CMTM4: variants seen among roughly 807,000 people sequenced by gnomAD.
CMTM4 encodes CKLF like MARVEL transmembrane domain containing 4, also known as CKLF-like MARVEL transmembrane domain-containing protein 4.
Under a neutral mutation model 19.0 loss-of-function variants are expected in CMTM4, and 8 were observed. The observed-to-expected ratio is 0.42, with a 90% CI of 0.25 to 0.76. The LOEUF is 0.76. CMTM4 is among the 30% of genes least tolerant of loss of function. The pLI is 0.27. For missense variants in CMTM4, 228 were observed against 290.2 expected, an observed-to-expected ratio of 0.79 and a Z score of 1.56; for synonymous variants, 106 against 121.1, an observed-to-expected ratio of 0.88 and a Z score of 0.82.
chr16:66,683,509 T>C (rs368574311), intron 1 of CMTM4, among the ~76,000 whole-genome samples: 1 of 151,464 alleles, frequency 6.6e-6, no homozygotes, highest in Admixed American at 6.6e-5. Context: ...GCCAGGATGG[T>C]CTCGATCTCC....
chr16:66,636,449 G>T lies in CMTM4; in HGVS notation c.319C>A (p.Leu107Ile). ...VTGVLLIMFS[L>I]NLHMRIPQIN... ...TGGGGGATCCTCATGTGCAGGTTGA[G>T]ACTGAACATAATCAGCAAGACGCCA... The change falls in exon 2 of 4, where the codon CTC becomes ATC. Residue 107 changes from leucine (L) to isoleucine (I), a missense_variant. Leu to Ile is a conservative substitution (Grantham distance 5). Transcript: ENST00000394106. 2 of 1,614,124 alleles carry T rather than the reference G, an allele frequency of 1.2e-6. No individual in the cohort carries two copies. The highest frequency in any genetic ancestry group is 8.5e-7 in the Non-Finnish European group (1 of 1,180,010).
chr16:66,680,642 C>T lies in CMTM4; in HGVS notation c.186+15698G>A, dbSNP rs533165126. 4.7e-5 allele frequency among the ~76,000 whole-genome samples: 7 copies of T among 149,180 alleles called. No homozygotes were observed. In the South Asian group the frequency reaches 8.5e-4, roughly 18 times the overall value. On this transcript the variant is annotated intron_variant, in intron 1 of 3. Coordinates refer to ENST00000394106, the MANE Select transcript of CMTM4 (RefSeq NM_181521.3). Reference sequence around the variant, plus strand: ...ACAAAATATTAGCCAGGCGTGGTGGCGGGCACCTGTAGTCCCAGCTGCTCG... The same window carrying T: ...ACAAAATATTAGCCAGGCGTGGTGGTGGGCACCTGTAGTCCCAGCTGCTCG...
rs1207802206 is a variant in CMTM4 at position 66,620,134 on chromosome 16, C to A, written c.*1924G>T. 16 of 985,330 alleles carry A rather than the reference C, an allele frequency of 1.6e-5. No homozygotes were observed. Among genetic ancestry groups the A allele is most frequent in the Non-Finnish European group, 1.8e-5 (15 of 829,944 alleles). The allele number at this position is 985,330 out of a possible 1,614,324, so 61.0% of individuals were successfully genotyped here. A position where few individuals can be genotyped will look rare whatever the true frequency, so the allele number is the denominator to read the frequency against. ...GGGGGCCAAGTAACATGATTCCCAGCAGGAGATTTCTGATAAAGCTCAGGA... is the reference window on the plus strand; with the variant it reads ...GGGGGCCAAGTAACATGATTCCCAGAAGGAGATTTCTGATAAAGCTCAGGA... On this transcript the variant is annotated 3_prime_UTR_variant, in exon 4 of 4. Coordinates refer to ENST00000394106, the MANE Select transcript of CMTM4 (RefSeq NM_181521.3).
At chr16:66,605,388 C>A in the CMTM4 span, 23 of 155,402 alleles carry the variant, frequency 1.5e-4, no homozygotes, top group African/African-American at 5.0e-4. This position sits in a 1 kb window ranked among gnomAD's most constrained non-coding sequence, Gnocchi z 4.6. Context: ...CGGCGGGGGG[C>A]CGTGCGGAGC....
intron 1 of CMTM4, among the ~76,000 whole-genome samples, chr16:66,672,837 G>A (rs1433543726): frequency 6.7e-6 from 1 of 149,636 alleles, no homozygotes; most frequent in East Asian, 2.0e-4. Flanking sequence ...TGTCGGCCAG[G>A]CTAGTCTTGA....
chr16:66,622,648 A>C lies in CMTM4; in HGVS notation c.463-426T>G, dbSNP rs2015660983. On this transcript the variant is annotated intron_variant, in intron 3 of 3. Coordinates refer to ENST00000394106, the MANE Select transcript of CMTM4 (RefSeq NM_181521.3). This position sits in a 1 kb window ranked among gnomAD's most constrained non-coding sequence, Gnocchi z 4.0. ...CCAGATGAGAAAATACAGTGCAGAC[A>C]AAATGTAACATAGACAGAAAATCAG... Among the ~76,000 whole-genome samples the C allele has an allele frequency of 6.6e-6, 1 of 152,208 alleles. No homozygotes were observed. Among genetic ancestry groups the C allele is most frequent in the Non-Finnish European group, 1.5e-5 (1 of 68,030 alleles).
At chr16:66,681,710 C>G (rs2016918996) in intron 1 of CMTM4, among the ~76,000 whole-genome samples, 1 of 152,158 alleles carries the variant, frequency 6.6e-6, no homozygotes, top group South Asian at 2.1e-4. Flanking sequence ...TAACTGTTCC[C>G]CATCTCTTTT....
intron 1 of CMTM4, among the ~76,000 whole-genome samples, chr16:66,686,907 C>T (rs775600757): frequency 3.9e-5 from 6 of 152,104 alleles, no homozygotes; most frequent in Non-Finnish European, 5.9e-5. Context: ...AACTAGAAAA[C>T]ATAATCACCA....
At position 66,696,285 on chromosome 16, in the gene CMTM4, G is replaced by A. The variant is rs2144939732; in HGVS notation, c.186+55C>T. ...CGGAGGCCCCGCAGCGGGGCGGGGAGGGAGGCGTGCGGCTAGGCCGCCCTC... is the reference window on the plus strand; with the variant it reads ...CGGAGGCCCCGCAGCGGGGCGGGGAAGGAGGCGTGCGGCTAGGCCGCCCTC... On this transcript the variant is annotated intron_variant, in intron 1 of 3. Transcript: ENST00000394106. This position sits in a 1 kb window ranked among gnomAD's most constrained non-coding sequence, Gnocchi z 4.3. 3.3e-6 allele frequency: 4 copies of A among 1,210,402 alleles called. No individual in the cohort carries two copies. The highest frequency in any genetic ancestry group is 5.0e-5 in the South Asian group (2 of 40,146). The allele number at this position is 1,210,402 out of a possible 1,614,324, so 75.0% of individuals were successfully genotyped here.
rs922866125 is a variant in CMTM4 at position 66,696,231 on chromosome 16, G to C, written c.186+109C>G. 2 of 766,554 alleles carry C rather than the reference G, an allele frequency of 2.6e-6. No individual in the cohort carries two copies. Among genetic ancestry groups the C allele is most frequent in the Non-Finnish European group, 3.5e-6 (2 of 568,652 alleles). 47.5% of individuals were successfully genotyped at this position (766,554 alleles called of 1,614,324 possible). On this transcript the variant is annotated intron_variant, in intron 1 of 3. Coordinates refer to ENST00000394106, the MANE Select transcript of CMTM4 (RefSeq NM_181521.3). The surrounding 1 kb of genome is among the most constrained non-coding windows in gnomAD (Gnocchi z 4.3). ...CGAGGGAGAGGGGGCGCGAGGAGCG[G>C]GCTCCGGCCTGGGCAAGCGGGTACG...
rs978685580 is a variant in CMTM4 at position 66,621,528 on chromosome 16, T to C, written c.*530A>G. The C allele has an allele frequency of 1.0e-6, 1 of 986,692 alleles. No individual in the cohort carries two copies. Among genetic ancestry groups the C allele is most frequent in the Admixed American group, 6.1e-5 (1 of 16,432 alleles). 61.1% of individuals were successfully genotyped at this position (986,692 alleles called of 1,614,324 possible). On this transcript the variant is annotated 3_prime_UTR_variant, in exon 4 of 4. Coordinates refer to ENST00000394106, the MANE Select transcript of CMTM4 (RefSeq NM_181521.3). ...GGAGCCATCCTAACAGGACATCAGC[T>C]TTCCCCAGCCCTGTGGCCTTTGGGC...
intron 2 of CMTM4, among the ~76,000 whole-genome samples, chr16:66,633,258 A>C (rs1463712567): frequency 6.6e-6 from 1 of 151,468 alleles, no homozygotes; most frequent in Non-Finnish European, 1.5e-5. Context: ...TGTCCTCCTT[A>C]TTTATCATTT....
chr16:66,622,892 G>C lies in CMTM4; in HGVS notation c.462+512C>G, dbSNP rs1052503777. Among the ~76,000 whole-genome samples, 1 of 152,182 alleles carries C rather than the reference G, an allele frequency of 6.6e-6. No homozygotes were observed. The highest frequency in any genetic ancestry group is 6.5e-5 in the Admixed American group (1 of 15,278). ...CTTTTAATCCCCCCATTACAAAAAG[G>C]ATAACTGTTCCTCATAAACTGAGAA... On this transcript the variant is annotated intron_variant, in intron 3 of 3. Coordinates refer to ENST00000394106, the MANE Select transcript of CMTM4 (RefSeq NM_181521.3). The surrounding 1 kb of genome is among the most constrained non-coding windows in gnomAD (Gnocchi z 4.0).
At chr16:66,654,545 C>A (rs190471960) in intron 1 of CMTM4, among the ~76,000 whole-genome samples, 5 of 152,268 alleles carry the variant, frequency 3.3e-5, no homozygotes, top group African/African-American at 9.6e-5. Context: ...AAACTGGGCA[C>A]CTCTACGTAA....
At chr16:66,648,229 T>C (rs934573430) in intron 1 of CMTM4, among the ~76,000 whole-genome samples, 2 of 152,236 alleles carry the variant, frequency 1.3e-5, no homozygotes, top group African/African-American at 4.8e-5. Flanking sequence ...GTAGCTGCTC[T>C]ACCAGCAGTG....
rs1441930604 is a variant in CMTM4 at position 66,622,940 on chromosome 16, G to C, written c.462+464C>G. On this transcript the variant is annotated intron_variant, in intron 3 of 3. Transcript: ENST00000394106. This position sits in a 1 kb window ranked among gnomAD's most constrained non-coding sequence, Gnocchi z 4.0. The stretch of plus-strand genomic sequence containing the variant: ...GAACAATACAGAAATGCAGGGCATG[G>C]AGAGGGGAAGTCCTACATTATCTGG... Among the ~76,000 whole-genome samples the C allele has an allele frequency of 6.6e-6, 1 of 152,214 alleles. No individual in the cohort carries two copies. Among genetic ancestry groups the C allele is most frequent in the African/African-American group, 2.4e-5 (1 of 41,436 alleles).
At chr16:66,686,546 CAA>C (rs35913878) in intron 1 of CMTM4, among the ~76,000 whole-genome samples, 8 of 87,170 alleles carry the variant, frequency 9.2e-5, no homozygotes, top group Admixed American at 2.6e-4. Flanking sequence ...GACTCTGTCT[CAA>C]AAAAAAAAAA....
chr16:66,657,498 A>G (rs1286564406), intron 1 of CMTM4, among the ~76,000 whole-genome samples: 1 of 152,238 alleles, frequency 6.6e-6, no homozygotes, highest in East Asian at 1.9e-4. Context: ...CTGTACTCTC[A>G]AAAGACTTAA....
Position 66,683,080 on chromosome 16 carries a change from C to T in CMTM4, c.186+13260G>A, listed in dbSNP as rs1223036917. Among the ~76,000 whole-genome samples, 3 of 142,938 alleles carry T rather than the reference C, an allele frequency of 2.1e-5. No individual in the cohort carries two copies. In the Admixed American group the frequency reaches 2.2e-4, roughly 10 times the overall value. 93.8% of individuals were successfully genotyped at this position (142,938 alleles called of 152,430 possible). ...GCATTTTATTTCCATAGTTTCTCTCCAATATTTTCCACCTCAAATAGAGTC... is the reference window on the plus strand; with the variant it reads ...GCATTTTATTTCCATAGTTTCTCTCTAATATTTTCCACCTCAAATAGAGTC... On this transcript the variant is annotated intron_variant, in intron 1 of 3. Coordinates refer to ENST00000394106, the MANE Select transcript of CMTM4 (RefSeq NM_181521.3).
Sources: gnomAD v4.1 joint callset for allele counts (sites outside exome capture counted in the v4.1 genomes callset) on GRCh38, gnomAD v4.1.1 for gene constraint, Gnocchi (gnomAD v3.1) non-coding constraint, MANE v1.5 for transcripts, NCBI Gene and HGNC (gene_info 2026-07-23, HGNC 2026-07-21) for gene names.